The following SHISA9 variants were observed in gnomAD, a reference collection of about 807,000 sequenced individuals.
The protein encoded by SHISA9 is protein shisa-9.
In SHISA9, 13 loss-of-function variants were observed where a neutral mutation model predicts 38.0. The ratio of observed to expected loss-of-function variants is 0.34; its 90% CI spans 0.22 to 0.54. The LOEUF (loss-of-function observed/expected upper bound fraction) is 0.54, where lower values mean the gene tolerates loss of function less well. Ranked by LOEUF, SHISA9 falls within the 20% of genes least tolerant of loss-of-function variation. The pLI, the probability that SHISA9 is intolerant of heterozygous loss-of-function variation, is 0.91. For missense variants in SHISA9, 538 were observed against 575.8 expected (o/e 0.93, Z 0.67); for synonymous variants, 275 against 242.0 (o/e 1.14, Z -1.27).
intron 2 of SHISA9, among the ~76,000 whole-genome samples, chr16:13,127,760 G>A (rs531437031): frequency 1.1e-4 from 16 of 152,194 alleles, no homozygotes; most frequent in South Asian, 4.1e-4. Context: ...GCTTAACCAC[G>A]TCTATTTCAC....
intron 2 of SHISA9, among the ~76,000 whole-genome samples, chr16:13,121,254 T>G (rs2050207466): frequency 6.6e-6 from 1 of 152,166 alleles, no homozygotes; most frequent in South Asian, 2.1e-4. Flanking sequence ...TTTGGGAGGC[T>G]GACGTGGGAG....
intron 2 of SHISA9, among the ~76,000 whole-genome samples, chr16:13,055,075 C>T (rs557699846): frequency 1.3e-5 from 2 of 152,294 alleles, no homozygotes; most frequent in South Asian, 4.1e-4. Flanking sequence ...TAGGCCTTCT[C>T]CTAATTTGGC....
the SHISA9 span, among the ~76,000 whole-genome samples, chr16:13,356,154 C>G: frequency 2.0e-5 from 3 of 152,126 alleles, no homozygotes; most frequent in South Asian, 6.2e-4. Flanking sequence ...GGAATTGCAA[C>G]TTTTTTCTAT....
intron 2 of SHISA9, among the ~76,000 whole-genome samples, chr16:13,162,802 G>A (rs1000855948): frequency 6.6e-6 from 1 of 151,272 alleles, no homozygotes; most frequent in Admixed American, 6.6e-5. Flanking sequence ...TTCTGGAAAG[G>A]AAAGCAAATT....
At chr16:13,194,983 G>C (rs1323250285) in intron 2 of SHISA9, among the ~76,000 whole-genome samples, 1 of 152,194 alleles carries the variant, frequency 6.6e-6, no homozygotes, top group Non-Finnish European at 1.5e-5. Flanking sequence ...GGAGACATCA[G>C]GATGACTTCA....
At chr16:13,087,044 A>G (rs1423648469) in intron 2 of SHISA9, among the ~76,000 whole-genome samples, 3 of 136,472 alleles carry the variant, frequency 2.2e-5, no homozygotes, top group African/African-American at 2.8e-5. Flanking sequence ...ATTCCCACCT[A>G]TGAGTGAGAA....
At chr16:13,432,432 G>A in the SHISA9 span, among the ~76,000 whole-genome samples, 1 of 152,308 alleles carries the variant, frequency 6.6e-6, no homozygotes, top group Non-Finnish European at 1.5e-5. Context: ...GGAGGCCAAT[G>A]AGCTGTGAAA....
chr16:13,019,788 C>A (rs1567183801), intron 2 of SHISA9, among the ~76,000 whole-genome samples: 1 of 131,628 alleles, frequency 7.6e-6, no homozygotes, highest in Non-Finnish European at 1.6e-5. Context: ...TTCTTTCTTT[C>A]TTTCTTTCTT....
At chr16:13,044,523 C>G (rs1475773378) in intron 2 of SHISA9, among the ~76,000 whole-genome samples, 2 of 152,150 alleles carry the variant, frequency 1.3e-5, no homozygotes, top group African/African-American at 2.4e-5. Flanking sequence ...TTAGTGGGCA[C>G]AGATCCAATG....
chr16:13,388,457 A>T, the SHISA9 span, among the ~76,000 whole-genome samples: 7 of 151,952 alleles, frequency 4.6e-5, no homozygotes, highest in African/African-American at 1.7e-4. Context: ...GACTACAGGC[A>T]TCCACCACCA....
At chr16:13,501,097 C>T in the SHISA9 span, among the ~76,000 whole-genome samples, 1 of 152,322 alleles carries the variant, frequency 6.6e-6, no homozygotes, top group African/African-American at 2.4e-5. Flanking sequence ...AAACCCCATA[C>T]TCTTAACCTA....
At chr16:13,155,145 T>C (rs2050533113) in intron 2 of SHISA9, among the ~76,000 whole-genome samples, 1 of 151,990 alleles carries the variant, frequency 6.6e-6, no homozygotes, top group Non-Finnish European at 1.5e-5. Context: ...TGCAATGAAA[T>C]GAAATGGAAG....
chr16:13,346,690 TC>T, the SHISA9 span, among the ~76,000 whole-genome samples: 2 of 152,220 alleles, frequency 1.3e-5, no homozygotes, highest in African/African-American at 4.8e-5. Flanking sequence ...TATCATTTGA[TC>T]CAGCAGTCAA....
At chr16:13,493,798 C>T in the SHISA9 span, among the ~76,000 whole-genome samples, 46 of 152,234 alleles carry the variant, frequency 3.0e-4, no homozygotes, top group African/African-American at 1.0e-3. Flanking sequence ...AGTGCTTTGC[C>T]TGGCATATTA....
At chr16:13,388,782 A>G in the SHISA9 span, among the ~76,000 whole-genome samples, 9 of 57,872 alleles carry the variant, frequency 1.6e-4, no homozygotes, top group Non-Finnish European at 3.5e-4. Flanking sequence ...GGAAAACCTC[A>G]TGTGAACAAA....
the SHISA9 span, among the ~76,000 whole-genome samples, chr16:13,266,723 A>C: frequency 6.6e-6 from 1 of 152,268 alleles, no homozygotes; most frequent in South Asian, 2.1e-4. Flanking sequence ...TTGAGTAGGT[A>C]GTGGTGGGTG....
At chr16:13,069,155 G>A (rs8053307) in intron 2 of SHISA9, among the ~76,000 whole-genome samples, 11,419 of 151,082 alleles carry the variant, frequency 0.076, 1,412 homozygotes, top group African/African-American at 0.26. Flanking sequence ...ATGCATGTAT[G>A]TGTATATATG....
the SHISA9 span, among the ~76,000 whole-genome samples, chr16:13,272,396 C>T: frequency 3.0e-3 from 452 of 151,918 alleles, 2 homozygotes; most frequent in African/African-American, 0.011. Flanking sequence ...TGTTTAAAAA[C>T]AATTTTTTTT....
At chr16:13,557,283 C>G in the SHISA9 span, among the ~76,000 whole-genome samples, 5 of 152,166 alleles carry the variant, frequency 3.3e-5, no homozygotes, top group Admixed American at 3.3e-4. Context: ...AATCAAGTAT[C>G]CATCATAGAG....
Sources: gnomAD v4.1 joint callset for allele counts (sites outside exome capture counted in the v4.1 genomes callset) on GRCh38, gnomAD v4.1.1 for gene constraint, MANE v1.5 for transcripts, NCBI Gene and HGNC (gene_info 2026-07-23, HGNC 2026-07-21) for gene names.